Variants in IQCK observed in about 807,000 individuals in gnomAD.
The protein encoded by IQCK is IQ domain-containing protein K.
IQCK carries 29 observed loss-of-function variants against 28.1 expected under a neutral mutation model. The observed-to-expected ratio is 1.03, with a 90% confidence interval of 0.77 to 1.41. The LOEUF is 1.41. Among genes scored for constraint, IQCK ranks in the 40% most tolerant of loss-of-function variants. IQCK has a pLI of 0.00. For synonymous variants in IQCK, 113 were observed against 115.1 expected (o/e 0.98, Z 0.12); for missense variants, 359 against 314.7 (o/e 1.14, Z -1.07).
chr16:19,841,137 A>G (rs531479563), intron 9 of IQCK, among the ~76,000 whole-genome samples: 1 of 152,322 alleles, frequency 6.6e-6, no homozygotes, highest in South Asian at 2.1e-4. Context: ...CTGTCCCCAT[A>G]TCAAAGCAAT....
chr16:19,811,852 G>A (rs2055909839), intron 7 of IQCK, among the ~76,000 whole-genome samples: 2 of 152,218 alleles, frequency 1.3e-5, no homozygotes, highest in East Asian at 3.9e-4. Flanking sequence ...GTTTCTTCCT[G>A]AACATGCTGA....
chr16:19,820,648 C>CA (rs35161795), intron 7 of IQCK, among the ~76,000 whole-genome samples: 46,242 of 108,798 alleles, frequency 0.43, 8,637 homozygotes, highest in South Asian at 0.59. Context: ...AACTCTGTAT[C>CA]AAAAAAAAAA....
rs1323429737 is a variant in IQCK at position 19,724,345 on chromosome 16, C to T, written c.181+5858C>T. Among the ~76,000 whole-genome samples the T allele has an allele frequency of 5.3e-5, 8 of 152,200 alleles. No homozygotes were observed. In the East Asian group the frequency reaches 1.4e-3, roughly 26 times the overall value. On this transcript the variant is annotated intron_variant, in intron 1 of 7. Coordinates refer to ENST00000564186, the Ensembl canonical transcript of IQCK. ...TCATAACCCCTGGTTTATCATTCAT[C>T]CCCTCTCTGGAACATAAGCTCCTCT...
At chr16:19,731,730 G>C (rs907734719) in intron 2 of IQCK, among the ~76,000 whole-genome samples, 1 of 152,304 alleles carries the variant, frequency 6.6e-6, no homozygotes, top group Non-Finnish European at 1.5e-5. Flanking sequence ...ATACATATAT[G>C]AGAGGGGATT....
chr16:19,738,257 A>G (rs115552240), intron 4 of IQCK, among the ~76,000 whole-genome samples: 399 of 152,300 alleles, frequency 2.6e-3, no homozygotes, highest in African/African-American at 9.3e-3. Context: ...TATGTCTTTG[A>G]CCAAAACCCA....
chr16:19,718,432 G>T, exon 1 of IQCK: 1 of 1,606,562 alleles, frequency 6.2e-7, no homozygotes, highest in Non-Finnish European at 8.5e-7. Context: ...TGCCTGTCTC[G>T]TCGTGGCAGG....
At chr16:19,793,628 C>T (rs2055649581) in intron 7 of IQCK, among the ~76,000 whole-genome samples, 2 of 101,438 alleles carry the variant, frequency 2.0e-5, no homozygotes, top group South Asian at 3.5e-4. Flanking sequence ...CAATGCCTAT[C>T]GAAATCTCAG....
chr16:19,727,676 C>T (rs1977703491), intron 1 of IQCK, among the ~76,000 whole-genome samples: 1 of 151,306 alleles, frequency 6.6e-6, no homozygotes, highest in Non-Finnish European at 1.5e-5. Flanking sequence ...GTGACTTTTA[C>T]ACTCTACATA....
At chr16:19,808,782 G>A (rs2055864049) in intron 7 of IQCK, among the ~76,000 whole-genome samples, 2 of 152,230 alleles carry the variant, frequency 1.3e-5, no homozygotes, top group African/African-American at 2.4e-5. Context: ...ACAGGGCAGT[G>A]CCCATGAAGC....
intron 6 of IQCK, among the ~76,000 whole-genome samples, chr16:19,784,443 A>G (rs895636919): frequency 1.3e-5 from 2 of 152,100 alleles, no homozygotes; most frequent in African/African-American, 4.8e-5. Context: ...AAGGGTAACA[A>G]CTCATTCTTC....
At chr16:19,785,970 G>A (rs1255364144) in intron 6 of IQCK, among the ~76,000 whole-genome samples, 2 of 152,082 alleles carry the variant, frequency 1.3e-5, no homozygotes, top group South Asian at 2.1e-4. Flanking sequence ...TTGCAGTCAC[G>A]ACCCTCTACC....
intron 4 of IQCK, chr16:19,761,191 T>A (rs1188365149): frequency 1.2e-5 from 4 of 338,272 alleles, no homozygotes; most frequent in South Asian, 6.8e-5. Context: ...CAGCCCCTAT[T>A]CAAGATGGAG....
intron 4 of IQCK, among the ~76,000 whole-genome samples, chr16:19,751,720 T>C (rs2054989497): frequency 6.6e-6 from 1 of 151,724 alleles, no homozygotes; most frequent in African/African-American, 2.4e-5. Context: ...GAGCAGGCCT[T>C]GAAGGGAGTG....
intron 4 of IQCK, among the ~76,000 whole-genome samples, chr16:19,738,645 A>G (rs1019248903): frequency 6.6e-6 from 1 of 152,194 alleles, no homozygotes; most frequent in East Asian, 1.9e-4. Context: ...ATGCCGATGA[A>G]ATGAGGTAGC....
At chr16:19,831,449 G>C (rs1226066089), downstream of IQCK, among the ~76,000 whole-genome samples, 1 of 152,124 alleles carries the variant, frequency 6.6e-6, no homozygotes, top group African/African-American at 2.4e-5. Context: ...TCATGCGCTA[G>C]AGTTACTTCC....
intron 9 of IQCK, among the ~76,000 whole-genome samples, chr16:19,854,135 G>C (rs930611690): frequency 1.1e-4 from 16 of 152,340 alleles, no homozygotes; most frequent in Non-Finnish European, 1.9e-4. Context: ...CCAGGCCCCA[G>C]GGTAGTTACA....
intron 9 of IQCK, among the ~76,000 whole-genome samples, chr16:19,842,963 T>C (rs1343049731): frequency 1.3e-5 from 2 of 151,210 alleles, no homozygotes; most frequent in Admixed American, 6.6e-5. Flanking sequence ...CCCGGGGGAG[T>C]TGTCATTAGA....
intron 6 of IQCK, among the ~76,000 whole-genome samples, chr16:19,782,848 C>A (rs145646828): frequency 6.6e-6 from 1 of 152,168 alleles, no homozygotes; most frequent in African/African-American, 2.4e-5. Flanking sequence ...TCTTCACGTC[C>A]TGCAAATCTT....
At chr16:19,751,469 C>T (rs1030723135) in intron 4 of IQCK, among the ~76,000 whole-genome samples, 4 of 151,814 alleles carry the variant, frequency 2.6e-5, no homozygotes, top group South Asian at 4.2e-4. Flanking sequence ...CAGAGCGAGA[C>T]CCTATCTTTA....
Sources: allele counts gnomAD v4.1 joint callset (sites outside exome capture counted in the v4.1 genomes callset), GRCh38; gene constraint gnomAD v4.1.1; transcripts MANE v1.5; gene names NCBI Gene and HGNC (gene_info 2026-07-23, HGNC 2026-07-21).